The following CDK13 variants were observed in gnomAD, a reference collection of about 807,000 sequenced individuals.
CDK13 encodes cyclin dependent kinase 13, also known as cyclin-dependent kinase 13.
A neutral mutation model predicts 137.6 loss-of-function variants in CDK13; 40 were observed. The observed-to-expected ratio is 0.29, with a 90% CI of 0.23 to 0.38. The LOEUF is 0.38. Ranked by LOEUF, CDK13 falls within the 10% of genes least tolerant of loss-of-function variation. CDK13 has a pLI of 1.00. For missense variants in CDK13, 1,704 were observed against 1,951.8 expected, an observed-to-expected ratio of 0.87 and a Z score of 2.39; for synonymous variants, 869 against 760.1, an observed-to-expected ratio of 1.14 and a Z score of -2.36.
chr7:40,002,488 G>A (rs1448339243), intron 5 of CDK13, among the ~76,000 whole-genome samples: 1 of 152,098 alleles, frequency 6.6e-6, no homozygotes, highest in Admixed American at 6.6e-5. Flanking sequence ...ATGTATATAT[G>A]TATAGTTATT....
intron 5 of CDK13, among the ~76,000 whole-genome samples, chr7:40,017,917 C>T (rs1785035666): frequency 6.7e-6 from 1 of 150,136 alleles, no homozygotes; most frequent in East Asian, 1.9e-4. Context: ...GTATGAAATT[C>T]CCACGTTCTT....
chr7:40,015,060 T>C lies in CDK13; in HGVS notation c.2353+13029T>C, dbSNP rs866061582. ...TAGTAGAAGATGATAGAGGAATGTG[T>C]TTTAGTTAAGATACACCAAATAATG... On this transcript the variant is annotated intron_variant, in intron 5 of 13. Transcript: ENST00000181839. 2.0e-5 allele frequency among the ~76,000 whole-genome samples: 3 copies of C among 152,162 alleles called. No individual in the cohort carries two copies. The South Asian group carries it at 6.2e-4, about 31-fold the overall frequency.
chr7:40,001,635 G>A (rs1485641829), intron 4 of CDK13, among the ~76,000 whole-genome samples: 1 of 152,072 alleles, frequency 6.6e-6, no homozygotes, highest in Non-Finnish European at 1.5e-5. Context: ...CTTTCTAATG[G>A]TTGTATAGTA....
intron 5 of CDK13, among the ~76,000 whole-genome samples, chr7:40,016,765 G>A (rs1368641730): frequency 2.0e-5 from 3 of 151,998 alleles, no homozygotes; most frequent in African/African-American, 7.2e-5. Context: ...AAAATATCCA[G>A]CCTCACTATA....
chr7:39,950,786 C>T lies in CDK13; in HGVS notation c.145C>T (p.Leu49=), dbSNP rs1787130405. The T allele has an allele frequency of 1.5e-5, 22 of 1,469,112 alleles. No homozygotes were observed. Among genetic ancestry groups the T allele is most frequent in the Non-Finnish European group, 1.6e-5 (18 of 1,117,764 alleles). The allele number at this position is 1,469,112 out of a possible 1,614,324, so 91.0% of individuals were successfully genotyped here. ...LLLPLLQPQL[L]QPPPPPPPLL... is the part of the protein sequence containing the mutation. ...GTTGCCGCTCCTGCAGCCGCAGCTC[C>T]TGCAACCGCCGCCGCCCCCGCCGCC... Residue 49 remains leucine (L), a synonymous_variant, in exon 1 of 14, where the codon CTG becomes TTG. Coordinates refer to ENST00000181839, the MANE Select transcript of CDK13 (RefSeq NM_003718.5).
intron 5 of CDK13, among the ~76,000 whole-genome samples, chr7:40,018,514 C>T (rs1448324082): frequency 6.6e-6 from 1 of 152,152 alleles, no homozygotes; most frequent in East Asian, 1.9e-4. Context: ...ACCTAAGTGC[C>T]CATCAGCTGA....
chr7:39,973,373 C>G (rs1330222773), intron 1 of CDK13, among the ~76,000 whole-genome samples: 1 of 152,166 alleles, frequency 6.6e-6, no homozygotes, highest in Non-Finnish European at 1.5e-5. Context: ...CAAGCTCAAG[C>G]AATCCTCCCA....
intron 5 of CDK13, among the ~76,000 whole-genome samples, chr7:40,044,443 C>G (rs1164274632): frequency 6.6e-6 from 1 of 151,718 alleles, no homozygotes; most frequent in Non-Finnish European, 1.5e-5. Flanking sequence ...TTCAGTCCCC[C>G]GAGTAGCTGG....
intron 9 of CDK13, among the ~76,000 whole-genome samples, chr7:40,068,649 T>G (rs1403765967): frequency 1.5e-5 from 2 of 131,850 alleles, no homozygotes; most frequent in African/African-American, 5.9e-5. Flanking sequence ...GAGGTTGCAG[T>G]GAGTCGAGAT....
chr7:39,981,590 G>C (rs1784224677), intron 1 of CDK13, among the ~76,000 whole-genome samples: 1 of 152,016 alleles, frequency 6.6e-6, no homozygotes, highest in South Asian at 2.1e-4. Flanking sequence ...AACCATGTTT[G>C]TTATAAACAG....
chr7:40,052,013 C>T (rs1331533446), intron 7 of CDK13, among the ~76,000 whole-genome samples: 1 of 152,014 alleles, frequency 6.6e-6, no homozygotes, highest in African/African-American at 2.4e-5. Flanking sequence ...TACAATGTTT[C>T]CCTCTTCTTA....
intron 4 of CDK13, among the ~76,000 whole-genome samples, chr7:40,000,137 A>AGGCTGAGAGAGGCAGATC (rs1784652818): frequency 6.6e-6 from 1 of 151,866 alleles, no homozygotes; most frequent in Non-Finnish European, 1.5e-5. Context: ...GCACTTTGGG[A>AGGCTGAGAGAGGCAGATC]GGCTGAGACA....
chr7:40,039,271 T>G (rs1013446793), intron 5 of CDK13, among the ~76,000 whole-genome samples: 2 of 150,654 alleles, frequency 1.3e-5, no homozygotes, highest in African/African-American at 4.9e-5. Flanking sequence ...TATATACAGA[T>G]AGAGAGAGAG....
At chr7:40,007,816 G>A (rs1784823899) in intron 5 of CDK13, among the ~76,000 whole-genome samples, 1 of 152,080 alleles carries the variant, frequency 6.6e-6, no homozygotes, top group Admixed American at 6.6e-5. Flanking sequence ...TATTCTTTGT[G>A]TTCATTGTGT....
At position 40,099,040 on chromosome 7, in the gene CDK13, C is replaced by A. The variant is rs887099165; in HGVS notation, c.*4060C>A. On this transcript the variant is annotated 3_prime_UTR_variant, in exon 14 of 14. Coordinates refer to ENST00000181839, the MANE Select transcript of CDK13 (RefSeq NM_003718.5). ...TTTTAAGTTCTTTCAAGGTTTTATG[C>A]AATAAAACCTATTGATTTGGAACTT... The A allele has an allele frequency of 6.0e-5, 9 of 149,898 alleles. No homozygotes were observed. The highest frequency in any genetic ancestry group is 1.3e-4 in the Non-Finnish European group (9 of 67,566). The allele number at this position is 149,898 out of a possible 1,614,324, so 9.3% of individuals were successfully genotyped here. A position where few individuals can be genotyped will look rare whatever the true frequency, so the allele number is the denominator to read the frequency against.
chr7:40,003,491 G>T (rs17496401), intron 5 of CDK13, among the ~76,000 whole-genome samples: 2,112 of 152,182 alleles, frequency 0.014, 22 homozygotes, highest in Middle Eastern at 0.044. Flanking sequence ...TCTGGGTCTT[G>T]AGACTTAGTG....
intron 12 of CDK13, 25 bp from the exon 13 acceptor site, chr7:40,092,760 C>T (rs1198281000): frequency 6.4e-7 from 1 of 1,571,446 alleles, no homozygotes; most frequent in Admixed American, 1.7e-5. Flanking sequence ...TATGACAGTT[C>T]TAATTAATAT....
chr7:40,030,129 G>T (rs2085908264), intron 5 of CDK13, among the ~76,000 whole-genome samples: 1 of 152,116 alleles, frequency 6.6e-6, no homozygotes, highest in Non-Finnish European at 1.5e-5. Context: ...CATGTGGGGA[G>T]AGTATTTCAG....
At chr7:40,065,508 A>G (rs1786261592) in intron 9 of CDK13, among the ~76,000 whole-genome samples, 1 of 152,196 alleles carries the variant, frequency 6.6e-6, no homozygotes, top group South Asian at 2.1e-4. Flanking sequence ...TAATATTTTA[A>G]GAAAGTATGA....
Sources: allele counts gnomAD v4.1 joint callset (sites outside exome capture counted in the v4.1 genomes callset), GRCh38; gene constraint gnomAD v4.1.1; transcripts MANE v1.5; gene names NCBI Gene and HGNC (gene_info 2026-07-23, HGNC 2026-07-21).